PPP1R12B: variants seen among roughly 807,000 people sequenced by gnomAD.
The protein encoded by PPP1R12B is myosin phosphatase target subunit 2.
A neutral mutation model predicts 126.1 loss-of-function variants in PPP1R12B; 76 were observed. The ratio of observed to expected loss-of-function variants is 0.60; its 90% confidence interval spans 0.50 to 0.73. The LOEUF (loss-of-function observed/expected upper bound fraction) is 0.73, where lower values mean the gene tolerates loss of function less well. Among genes scored for constraint, PPP1R12B ranks in the 30% least tolerant of loss-of-function variants. The pLI, the probability that PPP1R12B is intolerant of heterozygous loss-of-function variation, is 0.00. For synonymous variants in PPP1R12B, 356 were observed against 434.7 expected (o/e 0.82, Z 2.25); for missense variants, 1,052 against 1,205.1 (o/e 0.87, Z 1.88).
In PPP1R12B at chr1:202,438,727, T is replaced by G. The variant is rs1422516149; in HGVS notation, c.1458+703T>G. 1.0e-5 allele frequency: 7 copies of G among 669,030 alleles called. No individual in the cohort carries two copies. In the East Asian group the frequency reaches 1.8e-4, roughly 17 times the overall value. The allele number at this position is 669,030 out of a possible 1,614,324, so 41.4% of individuals were successfully genotyped here. ...AGGGCCAGGTGGTTACCGTGCATTT[T>G]GCAGACGTCGTGAGAGAACAGCATG... On this transcript the variant is annotated intron_variant, in intron 10 of 23. Transcript: ENST00000608999.
intron 1 of PPP1R12B, among the ~76,000 whole-genome samples, chr1:202,373,323 A>G (rs1253052376): frequency 6.6e-6 from 1 of 151,980 alleles, no homozygotes; most frequent in Admixed American, 6.6e-5. Context: ...AATTTCTCTA[A>G]TTTTTCAGAG....
At chr1:202,529,448 C>T (rs1296055082) in intron 18 of PPP1R12B, among the ~76,000 whole-genome samples, 2 of 152,084 alleles carry the variant, frequency 1.3e-5, no homozygotes, top group African/African-American at 4.8e-5. Context: ...CTAGATGAAT[C>T]ATACATAGAT....
In PPP1R12B at chr1:202,348,949, A is replaced by G. The variant is rs1446680595; in HGVS notation, c.98A>G (p.Gln33Arg). The change falls in exon 1 of 24, where the codon CAG (glutamine) becomes CGG (arginine). Residue 33 changes from glutamine to arginine, a missense_variant. Gln to Arg is a conservative substitution (Grantham distance 43). Coordinates refer to ENST00000608999, the MANE Select transcript of PPP1R12B (RefSeq NM_002481.4). ...CGCTGGCGGGGCTCGCTGACAGAGC[A>G]GGAGCCTGCGGAGCGACGAGGCGCG... ...LRRWRGSLTE[Q>R]EPAERRGAGR... 2 of 1,603,474 alleles carry G rather than the reference A, an allele frequency of 1.2e-6. No homozygotes were observed. Among genetic ancestry groups the G allele is most frequent in the Non-Finnish European group, 8.5e-7 (1 of 1,176,350 alleles).
Position 202,482,965 on chromosome 1 carries a change from T to C in PPP1R12B, c.1851-5568T>C, listed in dbSNP as rs531582382. Among the ~76,000 whole-genome samples the C allele has an allele frequency of 1.2e-4, 19 of 152,360 alleles. No individual in the cohort carries two copies. The South Asian group carries it at 3.9e-3, about 32-fold the overall frequency. On this transcript the variant is annotated intron_variant, in intron 13 of 23. Coordinates refer to ENST00000608999, the MANE Select transcript of PPP1R12B (RefSeq NM_002481.4). ...TTACTCTCATTCTTCTGCATGTGGATGTCCCACTTTCCCAGCAGCATTTAT... is the reference window on the plus strand; with the variant it reads ...TTACTCTCATTCTTCTGCATGTGGACGTCCCACTTTCCCAGCAGCATTTAT...
chr1:202,576,384 GTTCT>G (rs1296600843), intron 23 of PPP1R12B: 1 of 152,220 alleles, frequency 6.6e-6, no homozygotes, highest in South Asian at 2.1e-4. Context: ...ACCAGAGCCT[GTTCT>G]TTCTTTCAGC....
chr1:202,354,065 G>T (rs72748756), intron 1 of PPP1R12B, among the ~76,000 whole-genome samples: 3 of 152,096 alleles, frequency 2.0e-5, no homozygotes, highest in African/African-American at 7.2e-5. Context: ...GACCAGTCTT[G>T]TTGTTAACAT....
intron 13 of PPP1R12B, among the ~76,000 whole-genome samples, chr1:202,454,280 A>G (rs561364641): frequency 3.9e-5 from 6 of 152,338 alleles, no homozygotes; most frequent in African/African-American, 7.2e-5. Flanking sequence ...AAATCAAAAT[A>G]TTAGTGAATT....
intron 13 of PPP1R12B, among the ~76,000 whole-genome samples, chr1:202,450,907 A>G (rs1435946324): frequency 2.0e-5 from 3 of 152,124 alleles, no homozygotes; most frequent in East Asian, 3.8e-4. Context: ...TAGCATTGGT[A>G]TTTTGATAGG....
At chr1:202,518,282 A>G (rs1048185573) in intron 18 of PPP1R12B, among the ~76,000 whole-genome samples, 1 of 152,260 alleles carries the variant, frequency 6.6e-6, no homozygotes, top group African/African-American at 2.4e-5. Context: ...TGAACAAAAC[A>G]GATTTAGCTC....
chr1:202,374,551 G>A, intron 1 of PPP1R12B, among the ~76,000 whole-genome samples: 2 of 141,940 alleles, frequency 1.4e-5, no homozygotes, highest in Non-Finnish European at 3.0e-5. Context: ...AGGCTGGAGT[G>A]CAGTGGCGCA....
At chr1:202,525,310 A>T (rs1268885628) in intron 18 of PPP1R12B, among the ~76,000 whole-genome samples, 2 of 152,228 alleles carry the variant, frequency 1.3e-5, no homozygotes, top group Admixed American at 1.3e-4. Flanking sequence ...ATGAGACTGT[A>T]TCAAATAACA....
chr1:202,349,220 G>A lies in PPP1R12B; in HGVS notation c.291+78G>A. ...GACCCTGCGAGCCACCCCATGGGGA[G>A]TATCAGTGTTGCCGCCGACTCCTTC... On this transcript the variant is annotated intron_variant, in intron 1 of 23. Coordinates refer to ENST00000608999, the MANE Select transcript of PPP1R12B (RefSeq NM_002481.4). 4 of 1,539,182 alleles carry A rather than the reference G, an allele frequency of 2.6e-6. 1 individual carries two copies. The South Asian group carries it at 4.8e-5, about 18-fold the overall frequency.
chr1:202,500,650 T>C (rs1364996906), intron 18 of PPP1R12B, among the ~76,000 whole-genome samples: 3 of 152,176 alleles, frequency 2.0e-5, no homozygotes, highest in Non-Finnish European at 4.4e-5. Flanking sequence ...TAAGTTCTAG[T>C]GTTCTATAGC....
chr1:202,451,006 CTTTA>C (rs2148722260), intron 13 of PPP1R12B, among the ~76,000 whole-genome samples: 1 of 151,988 alleles, frequency 6.6e-6, no homozygotes, highest in Admixed American at 6.5e-5. Flanking sequence ...AATATCTTTC[CTTTA>C]TTTGTGTGCT....
At chr1:202,490,284 T>C (rs1258570867) in intron 14 of PPP1R12B, among the ~76,000 whole-genome samples, 2 of 152,188 alleles carry the variant, frequency 1.3e-5, no homozygotes, top group African/African-American at 2.4e-5. Context: ...AGAGGTCAAG[T>C]AGCAAATTTC....
At position 202,562,704 on chromosome 1, in the gene PPP1R12B, A is replaced by G. The variant is rs79212923; in HGVS notation, c.2508-74A>G. On this transcript the variant is annotated intron_variant, in intron 19 of 23. Coordinates refer to ENST00000608999, the MANE Select transcript of PPP1R12B (RefSeq NM_002481.4). ...ATACTTCTTAGAAAAGGCGCAAACT[A>G]CCCCTGAGCATTACCTTCTCCCCAC... The G allele has an allele frequency of 8.7e-4, 1,285 of 1,481,462 alleles. 10 individuals are homozygous for G. In the African/African-American group the frequency reaches 0.016, roughly 19 times the overall value. 91.8% of individuals were successfully genotyped at this position (1,481,462 alleles called of 1,614,324 possible).
chr1:202,557,633 A>G (rs1477230649), intron 18 of PPP1R12B, among the ~76,000 whole-genome samples: 1 of 152,234 alleles, frequency 6.6e-6, no homozygotes, highest in Non-Finnish European at 1.5e-5. Context: ...GCTGTACAGC[A>G]GAATCACCTG....
intron 1 of PPP1R12B, among the ~76,000 whole-genome samples, chr1:202,379,549 G>GCTAGTATT (rs1384945840): frequency 3.3e-5 from 5 of 152,164 alleles, no homozygotes; most frequent in African/African-American, 1.2e-4. Flanking sequence ...CATTTACACT[G>GCTAGTATT]CTAGTATTCT....
intron 1 of PPP1R12B, among the ~76,000 whole-genome samples, chr1:202,351,360 T>A (rs1011461002): frequency 1.3e-5 from 2 of 151,908 alleles, no homozygotes; most frequent in East Asian, 3.9e-4. Context: ...TGCATCAGCC[T>A]CCCAAGTAGC....
Sources: allele counts gnomAD v4.1 joint callset (sites outside exome capture counted in the v4.1 genomes callset), GRCh38; gene constraint gnomAD v4.1.1; transcripts MANE v1.5; gene names NCBI Gene and HGNC (gene_info 2026-07-23, HGNC 2026-07-21).